The following GNA12 variants were observed in gnomAD, a reference collection of about 807,000 sequenced individuals.
GNA12 encodes G protein subunit alpha 12.
Under a neutral mutation model 26.0 loss-of-function variants are expected in GNA12, and 9 were observed. That is an observed-to-expected ratio of 0.35 (90% CI 0.21 to 0.60). GNA12 has a LOEUF of 0.60. GNA12 is among the 20% of genes least tolerant of loss of function. The pLI is 0.78. For missense variants in GNA12, 405 were observed against 525.8 expected, an observed-to-expected ratio of 0.77 and a Z score of 2.25; for synonymous variants, 264 against 219.6, an observed-to-expected ratio of 1.20 and a Z score of -1.79.
rs1324472518 is a variant in GNA12, at chr7:2,730,344, A to G, written c.*837T>C. 1 of 152,256 alleles carries G rather than the reference A, an allele frequency of 6.6e-6. No homozygotes were observed. Among genetic ancestry groups the G allele is most frequent in the African/African-American group, 2.4e-5 (1 of 41,390 alleles). 9.4% of individuals were successfully genotyped at this position (152,256 alleles called of 1,614,324 possible). ...CCGTTGGGTTGGGCAGTGGGTGGCTAAGGGGAGAAGAGCACCGCTGTGTGT... is the reference window on the plus strand; with the variant it reads ...CCGTTGGGTTGGGCAGTGGGTGGCTGAGGGGAGAAGAGCACCGCTGTGTGT... On this transcript the variant is annotated 3_prime_UTR_variant, in exon 4 of 4. Coordinates refer to ENST00000275364, the MANE Select transcript of GNA12 (RefSeq NM_007353.3).
At chr7:2,759,181 A>G (rs987441083) in intron 2 of GNA12, among the ~76,000 whole-genome samples, 1 of 147,688 alleles carries the variant, frequency 6.8e-6, no homozygotes, top group African/African-American at 2.6e-5. Flanking sequence ...ATAAATAAAT[A>G]AATAAATAAA....
At chr7:2,832,063 T>C (rs1778690108) in intron 1 of GNA12, among the ~76,000 whole-genome samples, 1 of 152,196 alleles carries the variant, frequency 6.6e-6, no homozygotes, top group African/African-American at 2.4e-5. Context: ...AGCATCAAAC[T>C]GTTTTGTCAC....
chr7:2,801,661 T>G (rs1792812843), intron 1 of GNA12, among the ~76,000 whole-genome samples: 1 of 152,166 alleles, frequency 6.6e-6, no homozygotes, highest in South Asian at 2.1e-4. Context: ...TTGTAAGCTT[T>G]GTAGTTACAG....
At chr7:2,732,146 T>A (rs1323847314) in intron 3 of GNA12, among the ~76,000 whole-genome samples, 1 of 152,248 alleles carries the variant, frequency 6.6e-6, no homozygotes, top group Non-Finnish European at 1.5e-5. Context: ...AGGTTTTGAA[T>A]GTGATGTAAA....
At chr7:2,827,331 T>C (rs1793508514) in intron 1 of GNA12, among the ~76,000 whole-genome samples, 1 of 152,168 alleles carries the variant, frequency 6.6e-6, no homozygotes, top group Non-Finnish European at 1.5e-5. Context: ...AACAACACAG[T>C]GAATGTACTA....
At chr7:2,818,490 C>T (rs1249934577) in intron 1 of GNA12, among the ~76,000 whole-genome samples, 4 of 151,534 alleles carry the variant, frequency 2.6e-5, no homozygotes, top group East Asian at 1.9e-4. Context: ...AAGCCTGGTG[C>T]GGTGGCTCAT....
chr7:2,777,496 G>A (rs1189365964), intron 2 of GNA12, among the ~76,000 whole-genome samples: 4 of 152,216 alleles, frequency 2.6e-5, no homozygotes, highest in Non-Finnish European at 4.4e-5. Flanking sequence ...CCAGTGGGAT[G>A]GTATCTGGAG....
chr7:2,750,251 A>G (rs913799876), intron 2 of GNA12, among the ~76,000 whole-genome samples: 1 of 152,240 alleles, frequency 6.6e-6, no homozygotes, highest in African/African-American at 2.4e-5. Context: ...GACCCATCAG[A>G]GAGCTGAGAT....
chr7:2,753,182 TCTTA>T, intron 2 of GNA12, among the ~76,000 whole-genome samples: 1 of 150,708 alleles, frequency 6.6e-6, no homozygotes, highest in South Asian at 2.1e-4. Context: ...AGAGACAGGG[TCTTA>T]CTGTGTTGCC....
At chr7:2,750,835 G>A in intron 2 of GNA12, among the ~76,000 whole-genome samples, 1 of 152,186 alleles carries the variant, frequency 6.6e-6, no homozygotes, top group East Asian at 1.9e-4. Context: ...ATTCGGATAT[G>A]GCGAAAGTTT....
intron 2 of GNA12, among the ~76,000 whole-genome samples, chr7:2,747,529 T>G: frequency 6.6e-6 from 1 of 152,112 alleles, no homozygotes; most frequent in Non-Finnish European, 1.5e-5. Flanking sequence ...CTCAAAATAA[T>G]AAGAGCTATC....
intron 1 of GNA12, among the ~76,000 whole-genome samples, chr7:2,810,425 T>G (rs1455426329): frequency 6.6e-6 from 1 of 152,186 alleles, no homozygotes; most frequent in Non-Finnish European, 1.5e-5. Context: ...CATAGGAATT[T>G]TGAGATGGAC....
intron 2 of GNA12, among the ~76,000 whole-genome samples, chr7:2,733,728 G>A (rs1402446723): frequency 6.6e-6 from 1 of 152,224 alleles, no homozygotes; most frequent in Non-Finnish European, 1.5e-5. Flanking sequence ...TTCAAATTCT[G>A]GCTGTTTTTC....
chr7:2,800,975 T>C (rs1792795504), intron 1 of GNA12, among the ~76,000 whole-genome samples: 1 of 151,876 alleles, frequency 6.6e-6, no homozygotes, highest in African/African-American at 2.4e-5. Flanking sequence ...TTTTCCCCAC[T>C]ATGCACAACA....
intron 2 of GNA12, chr7:2,762,943 T>C: frequency 7.2e-7 from 1 of 1,380,964 alleles, no homozygotes; most frequent in Non-Finnish European, 9.4e-7. Context: ...GACACTCCCG[T>C]GGGGCCCGTG....
At chr7:2,824,918 G>C (rs1315924919) in intron 1 of GNA12, among the ~76,000 whole-genome samples, 1 of 152,192 alleles carries the variant, frequency 6.6e-6, no homozygotes, top group Non-Finnish European at 1.5e-5. Context: ...ACAGGCACAG[G>C]AAGTCCAAGA....
intron 2 of GNA12, among the ~76,000 whole-genome samples, chr7:2,736,600 G>A (rs564986540): frequency 1.1e-4 from 17 of 152,296 alleles, no homozygotes; most frequent in African/African-American, 3.8e-4. Context: ...GGGCACAGCC[G>A]GGCAGATGTG....
At chr7:2,764,251 T>C (rs550272444) in intron 2 of GNA12, among the ~76,000 whole-genome samples, 7 of 151,648 alleles carry the variant, frequency 4.6e-5, no homozygotes, top group Middle Eastern at 3.4e-3. Flanking sequence ...TTTCTTTTTT[T>C]TTTTTTTTTT....
intron 2 of GNA12, among the ~76,000 whole-genome samples, chr7:2,747,865 A>G (rs961916336): frequency 1.3e-5 from 2 of 152,204 alleles, no homozygotes; most frequent in African/African-American, 4.8e-5. Context: ...CTTATACACC[A>G]ATAACAGACA....
Sources: allele counts gnomAD v4.1 joint callset (sites outside exome capture counted in the v4.1 genomes callset), GRCh38; gene constraint gnomAD v4.1.1; transcripts MANE v1.5; gene names NCBI Gene and HGNC (gene_info 2026-07-23, HGNC 2026-07-21).